MCCC1: variants seen among roughly 807,000 people sequenced by gnomAD.
MCCC1 encodes the protein methylcrotonyl-CoA carboxylase subunit 1.
MCCC1 carries 64 observed loss-of-function variants against 83.8 expected under a neutral mutation model. The ratio of observed to expected loss-of-function variants is 0.76; its 90% confidence interval spans 0.62 to 0.94. The LOEUF is 0.94. MCCC1 is among the 40% of genes least tolerant of loss of function. MCCC1 has a pLI of 0.00. For missense variants in MCCC1, 807 were observed against 904.7 expected (o/e 0.89, Z 1.39); for synonymous variants, 322 against 315.4 (o/e 1.02, Z -0.22).
At position 183,071,292 on chromosome 3, in the gene MCCC1, T is replaced by C; in HGVS notation, c.557A>G (p.Gln186Arg). ...PVVEGYHGEDQSDQCLKEHAR... is the reference protein window; with the variant it reads ...PVVEGYHGEDRSDQCLKEHAR... ...GTGTTCCTTCAGGCACTGGTCTGAT[T>C]GGTCCTCACCATGATAACCCTCCAC... Residue 186 changes from glutamine to arginine, a missense_variant, in exon 6 of 19, where the codon CAA (glutamine) becomes CGA (arginine). Physicochemically the swap from Gln to Arg is conservative, Grantham distance 43 (BLOSUM62 1). Coordinates refer to ENST00000265594, the MANE Select transcript of MCCC1 (RefSeq NM_020166.5). 1 of 1,614,218 alleles carries C rather than the reference T, an allele frequency of 6.2e-7. No homozygotes were observed. Among genetic ancestry groups the C allele is most frequent in the East Asian group, 2.2e-5 (1 of 44,880 alleles).
chr3:183,031,077 C>T (rs1444693719), intron 14 of MCCC1, among the ~76,000 whole-genome samples: 2 of 152,186 alleles, frequency 1.3e-5, no homozygotes, highest in East Asian at 3.8e-4. Flanking sequence ...AAGTGTGGCA[C>T]CTGCAGTATT....
intron 4 of MCCC1, among the ~76,000 whole-genome samples, chr3:183,077,528 A>G (rs993456246): frequency 1.3e-5 from 2 of 152,192 alleles, no homozygotes; most frequent in African/African-American, 4.8e-5. Context: ...GGTCATTTGT[A>G]TAACTTCTTT....
At chr3:183,072,914 G>A (rs2108529385) in intron 4 of MCCC1, among the ~76,000 whole-genome samples, 1 of 152,280 alleles carries the variant, frequency 6.6e-6, no homozygotes, top group African/African-American at 2.4e-5. Context: ...TCTAGCCAAA[G>A]TACCTCATGT....
In MCCC1 at chr3:183,037,239, T is replaced by G. The variant is rs1194380375; in HGVS notation, c.1573A>C (p.Thr525Pro). Residue 525 changes from threonine (T) to proline (P), a missense_variant, in exon 13 of 19, where the codon ACT becomes CCT. By Grantham distance (38) the Thr-to-Pro change is conservative (BLOSUM62 -1). Coordinates refer to ENST00000265594, the MANE Select transcript of MCCC1 (RefSeq NM_020166.5). ...ATACCATGTGCCTGAAGAGTGAAAGTGTCGGTCATGGCTTTCTCCTTGAGG... is the reference window on the plus strand; with the variant it reads ...ATACCATGTGCCTGAAGAGTGAAAGGGTCGGTCATGGCTTTCTCCTTGAGG... ...LILKEKAMTD[T>P]FTLQAHDQFS... 1 of 1,613,744 alleles carries G rather than the reference T, an allele frequency of 6.2e-7. No homozygotes were observed. Among genetic ancestry groups the G allele is most frequent in the Non-Finnish European group, 8.5e-7 (1 of 1,180,010 alleles).
rs764378506 is a variant in MCCC1, at chr3:183,045,511, G to A, written c.985C>T (p.His329Tyr). ...TTCATCTCCATGAAACAGAAATTAT[G>A]TTTTGAGTCCATAATAAACTCCACA... ...GTVEFIMDSKHNFCFMEMNTR... is the reference protein window; with the variant it reads ...GTVEFIMDSKYNFCFMEMNTR... The change falls in exon 10 of 19, where the codon CAT becomes TAT. Residue 329 changes from histidine (H) to tyrosine (Y), a missense_variant. Physicochemically the swap from His to Tyr is moderately conservative, Grantham distance 83 (BLOSUM62 2). Coordinates refer to ENST00000265594, the MANE Select transcript of MCCC1 (RefSeq NM_020166.5). 1 of 1,613,918 alleles carries A rather than the reference G, an allele frequency of 6.2e-7. No homozygotes were observed. The highest frequency in any genetic ancestry group is 8.5e-7 in the Non-Finnish European group (1 of 1,179,944).
At chr3:183,104,248 G>T (rs1488335856), upstream of MCCC1, among the ~76,000 whole-genome samples, 1 of 152,204 alleles carries the variant, frequency 6.6e-6, no homozygotes, top group Non-Finnish European at 1.5e-5. Flanking sequence ...TGGGAGCCCA[G>T]GCAGAAGAGG....
rs773103481 is a variant in MCCC1, at chr3:183,022,468, A to G, written c.1818T>C (p.Ala606=). The G allele has an allele frequency of 6.2e-7, 1 of 1,614,130 alleles. No individual in the cohort carries two copies. The highest frequency in any genetic ancestry group is 8.5e-7 in the Non-Finnish European group (1 of 1,179,992). The part of the protein sequence containing the change: ...TYLKCSVNGV[A]SKAKLIILEN... Reference sequence around the variant, plus strand: ...CCAGGATAATCAGCTTCGCTTTACTAGCAACTCCATTAACAGAACATTTCA... The same window carrying G: ...CCAGGATAATCAGCTTCGCTTTACTGGCAACTCCATTAACAGAACATTTCA... Residue 606 remains alanine (A), a synonymous_variant, in exon 16 of 19, where the codon GCT becomes GCC. Coordinates refer to ENST00000265594, the MANE Select transcript of MCCC1 (RefSeq NM_020166.5).
intron 7 of MCCC1, among the ~76,000 whole-genome samples, chr3:183,067,544 A>G (rs1026211052): frequency 1.1e-4 from 17 of 152,240 alleles, no homozygotes; most frequent in African/African-American, 4.8e-5. Context: ...GAACTATGGC[A>G]CATTTGTTAT....
upstream of MCCC1, among the ~76,000 whole-genome samples, chr3:183,101,068 T>A (rs2108580171): frequency 6.6e-6 from 1 of 152,250 alleles, no homozygotes; most frequent in East Asian, 1.9e-4. Flanking sequence ...GTGTACTGAG[T>A]CCCCCAGCAG....
At position 183,017,497 on chromosome 3, in the gene MCCC1, AC is replaced by A. The variant is rs1338699370; in HGVS notation, c.1978-161del. On this transcript the variant is annotated intron_variant, in intron 17 of 18. Coordinates refer to ENST00000265594, the MANE Select transcript of MCCC1 (RefSeq NM_020166.5). ...TAAAACATAAATAAAAAGAAAAAAAACAACACAGAGGTCCTTTGTGGTCCAC... is the reference window on the plus strand; with the variant it reads ...TAAAACATAAATAAAAAGAAAAAAAAAACACAGAGGTCCTTTGTGGTCCAC... 30 of 692,252 alleles carry A rather than the reference AC, an allele frequency of 4.3e-5. No individual in the cohort carries two copies. In the East Asian group the frequency reaches 7.4e-4, roughly 17 times the overall value. 42.9% of individuals were successfully genotyped at this position (692,252 alleles called of 1,614,324 possible).
intron 4 of MCCC1, among the ~76,000 whole-genome samples, chr3:183,078,275 C>A (rs1164134644): frequency 1.3e-5 from 2 of 152,192 alleles, no homozygotes; most frequent in African/African-American, 2.4e-5. Flanking sequence ...CCACCTTGGT[C>A]TCCCAAAATG....
intron 4 of MCCC1, among the ~76,000 whole-genome samples, chr3:183,074,738 T>C (rs948950158): frequency 2.6e-5 from 4 of 152,224 alleles, no homozygotes; most frequent in Non-Finnish European, 4.4e-5. Flanking sequence ...TATTAACTTT[T>C]ATTTTAGGTT....
chr3:183,085,313 A>ATG (rs1717813479), intron 4 of MCCC1, among the ~76,000 whole-genome samples: 1 of 152,102 alleles, frequency 6.6e-6, no homozygotes. Context: ...TTTACTCCCC[A>ATG]GCTTTAAAAA....
chr3:183,111,111 A>G (rs1191334681), intron 1 of MCCC1, among the ~76,000 whole-genome samples: 1 of 152,206 alleles, frequency 6.6e-6, no homozygotes, highest in African/African-American at 2.4e-5. Context: ...TGGGAAAATT[A>G]TATAAGAGTT....
chr3:183,049,921 C>T (rs567314877), intron 9 of MCCC1, among the ~76,000 whole-genome samples: 4 of 152,226 alleles, frequency 2.6e-5, no homozygotes, highest in South Asian at 2.1e-4. Context: ...GGGTTTGAGA[C>T]CAGCCTTGGC....
chr3:183,050,529 C>T (rs1714887033), intron 9 of MCCC1, among the ~76,000 whole-genome samples: 1 of 151,698 alleles, frequency 6.6e-6, no homozygotes, highest in Admixed American at 6.6e-5. Context: ...GTGGTGAAAC[C>T]CCGCCTCTAC....
chr3:183,099,104 T>C, intron 1 of MCCC1: 7 of 588,444 alleles, frequency 1.2e-5, no homozygotes, highest in East Asian at 8.5e-5. Context: ...TCCTCAGAAA[T>C]GGAAAAACAG....
chr3:183,038,898 A>C, intron 12 of MCCC1, 128 bp downstream of exon 12: 1 of 844,058 alleles, frequency 1.2e-6, no homozygotes, highest in South Asian at 1.4e-5. Flanking sequence ...ATGTGAAACT[A>C]TTTTGTTTGG....
At chr3:183,103,221 G>C (rs1719347747), upstream of MCCC1, among the ~76,000 whole-genome samples, 1 of 152,052 alleles carries the variant, frequency 6.6e-6, no homozygotes, top group South Asian at 2.1e-4. Flanking sequence ...CCCAAAGAGT[G>C]AGCAGCCGCA....
Sources: gnomAD v4.1 joint callset for allele counts (sites outside exome capture counted in the v4.1 genomes callset) on GRCh38, gnomAD v4.1.1 for gene constraint, MANE v1.5 for transcripts, NCBI Gene and HGNC (gene_info 2026-07-23, HGNC 2026-07-21) for gene names.